The following SELENBP1 variants were observed in gnomAD, a reference collection of about 807,000 sequenced individuals.
SELENBP1 encodes the protein selenium binding protein 1, also known as methanethiol oxidase.
In SELENBP1, 71 loss-of-function variants were observed where a neutral mutation model predicts 61.0. The observed-to-expected ratio is 1.16, with a 90% CI of 0.96 to 1.42. SELENBP1 has a LOEUF of 1.42. Ranked by LOEUF, SELENBP1 falls within the 40% of genes most tolerant of loss-of-function variation. The pLI is 0.00. For missense variants in SELENBP1, 561 were observed against 605.0 expected (o/e 0.93, Z 0.76); for synonymous variants, 270 against 238.9 (o/e 1.13, Z -1.20).
At chr1:151,372,120 G>A (rs377510931) in intron 1 of SELENBP1, among the ~76,000 whole-genome samples, 1 of 152,212 alleles carries the variant, frequency 6.6e-6, no homozygotes, top group Admixed American at 6.5e-5. Flanking sequence ...GGGTGGGGGA[G>A]GCATTGAAAC....
intron 5 of SELENBP1, chr1:151,367,355 A>AAAAAAAAAAAAG (rs966572769): frequency 2.0e-5 from 1 of 49,264 alleles, no homozygotes. Context: ...AAAAAAAAAA[A>AAAAAAAAAAAAG]AAAAAGAGAA....
At chr1:151,366,085 G>T (rs1018605837) in intron 7 of SELENBP1, 190 bp downstream of exon 7, 2 of 787,760 alleles carry the variant, frequency 2.5e-6, no homozygotes, top group Non-Finnish European at 4.1e-6. Context: ...AGTAGTTTTT[G>T]AATGAATGGA....
chr1:151,364,685 T>C lies in SELENBP1; in HGVS notation c.1277A>G (p.Gln426Arg). Reference protein sequence around the residue: ...DLIREGSVMLQVDVDTVKGGL... With the variant: ...DLIREGSVMLRVDVDTVKGGL... ...TCCTTTTACTGTGTCTACATCAACCTGCAGCATCACAGAGCCTTCCCTGGT... is the reference window on the plus strand; with the variant it reads ...TCCTTTTACTGTGTCTACATCAACCCGCAGCATCACAGAGCCTTCCCTGGT... Residue 426 changes from glutamine (Q) to arginine (R), a missense_variant, in exon 12 of 12, where the codon CAG becomes CGG. Transcript: ENST00000368868. The C allele has an allele frequency of 1.3e-6, 2 of 1,596,968 alleles. No homozygotes were observed. Among genetic ancestry groups the C allele is most frequent in the East Asian group, 2.2e-5 (1 of 44,706 alleles).
rs374363019 is a variant in SELENBP1 at position 151,365,201 on chromosome 1, G to A, written c.1125C>T (p.Pro375=). The change falls in exon 10 of 12, where the codon CCC becomes CCT. Residue 375 remains proline, a synonymous_variant. Coordinates refer to ENST00000368868, the MANE Select transcript of SELENBP1 (RefSeq NM_003944.4). The part of the protein sequence containing the change: ...EDEELKSQPE[P]LVVKGKRVAG... ...GAGAGGCTCTTACCTTGACCACTAG[G>A]GGCTCTGGCTGGGACTTTAGTTCCT... The A allele has an allele frequency of 1.4e-4, 233 of 1,613,716 alleles. 1 individual carries two copies. The highest frequency in any genetic ancestry group is 1.9e-4 in the Non-Finnish European group (223 of 1,179,892).
Position 151,365,778 on chromosome 1 carries a change from G to T in SELENBP1, c.912C>A (p.Pro304=). The T allele has an allele frequency of 1.2e-6, 2 of 1,614,016 alleles. No homozygotes were observed. The highest frequency in any genetic ancestry group is 1.7e-6 in the Non-Finnish European group (2 of 1,179,996). Residue 304 remains proline (P), a synonymous_variant, in exon 8 of 12, where the codon CCC becomes CCA. Transcript: ENST00000368868. ...GCCCTAGGCACTCACCTGGCATTTC[G>T]GGCAGCAGCCAGCCCTTCACTTTCT... The part of the protein sequence containing the change: ...PPKKVKGWLL[P]EMPGLITDIL...
chr1:151,365,735 AAGAATC>A (rs1194552267), intron 8 of SELENBP1, 27 bp downstream of exon 8: 1 of 1,614,120 alleles, frequency 6.2e-7, no homozygotes, highest in Non-Finnish European at 8.5e-7. Flanking sequence ...TTCCCAGGCC[AAGAATC>A]AACTTTCCTA....
chr1:151,369,223 C>A, intron 3 of SELENBP1, 34 bp from the exon 4 acceptor site: 1 of 1,594,330 alleles, frequency 6.3e-7, no homozygotes, highest in Non-Finnish European at 8.6e-7. Context: ...CTCCCCCAGG[C>A]CACGCCTCTG....
At chr1:151,372,051 C>A (rs149319693) in intron 1 of SELENBP1, among the ~76,000 whole-genome samples, 1 of 152,342 alleles carries the variant, frequency 6.6e-6, no homozygotes, top group Non-Finnish European at 1.5e-5. Flanking sequence ...TCAGTTCCTT[C>A]TTAGCCTGTC....
chr1:151,368,349 C>T (rs1162291023), intron 4 of SELENBP1, 30 bp from the exon 5 acceptor site: 1 of 1,611,410 alleles, frequency 6.2e-7, no homozygotes, highest in Non-Finnish European at 8.5e-7. Context: ...GTGTCAGAAT[C>T]ATACAGGACT....
At chr1:151,371,191 C>T (rs1652122283) in intron 1 of SELENBP1, among the ~76,000 whole-genome samples, 2 of 151,944 alleles carry the variant, frequency 1.3e-5, no homozygotes, top group Non-Finnish European at 2.9e-5. Context: ...TGAGACCAGC[C>T]TCACTAACAT....
Position 151,364,451 on chromosome 1 carries a change from C to T in SELENBP1, c.*92G>A. ...AGCTTGGCTGTGTGGTACATGCTGC[C>T]AAGGGTCGGGTGCCAAGAGAGAGCA... On this transcript the variant is annotated 3_prime_UTR_variant, in exon 12 of 12. Coordinates refer to ENST00000368868, the MANE Select transcript of SELENBP1 (RefSeq NM_003944.4). The T allele has an allele frequency of 4.0e-6, 6 of 1,510,258 alleles. No homozygotes were observed. Among genetic ancestry groups the T allele is most frequent in the Non-Finnish European group, 5.5e-6 (6 of 1,092,750 alleles). 93.6% of individuals were successfully genotyped at this position (1,510,258 alleles called of 1,614,324 possible). A position where few individuals can be genotyped will look rare whatever the true frequency, so the allele number is the denominator to read the frequency against.
chr1:151,367,868 T>C (rs886929107), intron 5 of SELENBP1, among the ~76,000 whole-genome samples: 2 of 152,170 alleles, frequency 1.3e-5, no homozygotes, highest in Non-Finnish European at 2.9e-5. Context: ...GGTTTCACCA[T>C]GTTGGCCAGG....
chr1:151,370,014 A>G (rs1305778235), intron 1 of SELENBP1: 1 of 1,440,054 alleles, frequency 6.9e-7, no homozygotes, highest in Non-Finnish European at 9.1e-7. Context: ...GGGCCCCGGG[A>G]GGGTGGGAGG....
At chr1:151,365,922 C>T in intron 7 of SELENBP1, 76 bp from the exon 8 acceptor site, 1 of 1,516,672 alleles carries the variant, frequency 6.6e-7, no homozygotes, top group Non-Finnish European at 9.1e-7. Context: ...GGGGTTAGAT[C>T]TGGGTTGCCC....
Position 151,368,227 on chromosome 1 carries a change from G to A in SELENBP1, c.453C>T (p.Ser151=), listed in dbSNP as rs746205186. 1.2e-5 allele frequency: 20 copies of A among 1,614,010 alleles called. No homozygotes were observed. The highest frequency in any genetic ancestry group is 1.7e-5 in the Non-Finnish European group (20 of 1,180,032). The change falls in exon 5 of 12, where the codon TCC becomes TCT. Residue 151 remains serine (S), a synonymous_variant. Coordinates refer to ENST00000368868, the MANE Select transcript of SELENBP1 (RefSeq NM_003944.4). ...TGCCATTGCCCTTGACGTCTCCCAG[G>A]GAGCTGATCATCACTTCCCCGCTGG... ...CLASGEVMIS[S]LGDVKGNGKG... is the part of the protein sequence containing the mutation.
intron 2 of SELENBP1, 51 bp downstream of exon 2, chr1:151,369,662 C>A (rs1415141345): frequency 6.5e-7 from 1 of 1,545,528 alleles, no homozygotes; most frequent in Admixed American, 2.0e-5. Context: ...CCTCCACCCC[C>A]AGCTGTGGAA....
In SELENBP1 at chr1:151,372,685, G is replaced by T. The variant is rs1369646956; in HGVS notation, c.-44C>A. The T allele has an allele frequency of 1.9e-6, 3 of 1,614,006 alleles. No individual in the cohort carries two copies. The highest frequency in any genetic ancestry group is 2.5e-6 in the Non-Finnish European group (3 of 1,179,964). ...TTGATCCCGGCGGGTTTGCTGTGCT[G>T]GTGTCAGAGGCCGCTGTTCCGGGGA... On this transcript the variant is annotated 5_prime_UTR_variant, in exon 1 of 12. Transcript: ENST00000368868.
rs1393807537 is a variant in SELENBP1, at chr1:151,369,177, G to A, written c.187C>T (p.Leu63=). 1.1e-5 allele frequency: 17 copies of A among 1,610,890 alleles called. No individual in the cohort carries two copies. Among genetic ancestry groups the A allele is most frequent in the African/African-American group, 1.3e-5 (1 of 74,910 alleles). ...TCGTCCTTCAGGTTGGGCATGGGCA[G>A]CCGGTGGATGACCTAGGATGCGGGG... ...SPQYCQVIHR[L]PMPNLKDELH... The change falls in exon 4 of 12, where the codon CTG becomes TTG. Residue 63 remains leucine, a synonymous_variant. Transcript: ENST00000368868.
intron 4 of SELENBP1, 149 bp downstream of exon 4, chr1:151,368,855 C>G (rs939317799): frequency 2.7e-5 from 21 of 771,076 alleles, no homozygotes; most frequent in Admixed American, 5.6e-5. Flanking sequence ...GTAGACTCTG[C>G]TCTGAGGTCC....
Sources: allele counts gnomAD v4.1 joint callset (sites outside exome capture counted in the v4.1 genomes callset), GRCh38; gene constraint gnomAD v4.1.1; transcripts MANE v1.5; gene names NCBI Gene and HGNC (gene_info 2026-07-23, HGNC 2026-07-21).